The following STAB2 variants were observed in gnomAD, a reference collection of about 807,000 sequenced individuals.
STAB2 encodes stabilin-2.
Under a neutral mutation model 338.1 loss-of-function variants are expected in STAB2, and 288 were observed. The observed-to-expected ratio is 0.85, with a 90% CI of 0.77 to 0.94. The LOEUF (loss-of-function observed/expected upper bound fraction) is 0.94, where lower values mean the gene tolerates loss of function less well. Ranked by LOEUF, STAB2 falls within the 40% of genes least tolerant of loss-of-function variation. The pLI, the probability that STAB2 is intolerant of heterozygous loss-of-function variation, is 0.00. For missense variants in STAB2, 3,141 were observed against 3,210.1 expected (o/e 0.98, Z 0.52); for synonymous variants, 1,202 against 1,193.3 (o/e 1.01, Z -0.15).
intron 6 of STAB2, among the ~76,000 whole-genome samples, chr12:103,632,164 C>T (rs1957473840): frequency 6.6e-6 from 1 of 152,224 alleles, no homozygotes; most frequent in Admixed American, 6.5e-5. Context: ...AGAGCTGGGA[C>T]TCAAGTCATT....
At chr12:103,740,795 G>A (rs746074702) in intron 55 of STAB2, 39 bp downstream of exon 55, 4 of 1,530,530 alleles carry the variant, frequency 2.6e-6, no homozygotes, top group South Asian at 1.3e-5. Context: ...TCTAAAAGTG[G>A]TAATATGCTC....
intron 9 of STAB2, among the ~76,000 whole-genome samples, chr12:103,647,139 T>C (rs1412791030): frequency 6.6e-6 from 1 of 152,120 alleles, no homozygotes; most frequent in African/African-American, 2.4e-5. Flanking sequence ...TGCCAGAATT[T>C]TAAAGCGCAG....
Position 103,587,423 on chromosome 12 carries a change from T to C in STAB2, c.-54T>C. 1.4e-6 allele frequency: 2 copies of C among 1,432,600 alleles called. No homozygotes were observed. Among genetic ancestry groups the C allele is most frequent in the Non-Finnish European group, 1.9e-6 (2 of 1,027,054 alleles). 88.7% of individuals were successfully genotyped at this position (1,432,600 alleles called of 1,614,324 possible). ...GGGAGTTTATCAAACTAAGTTAAAATAGCTAAGTCAGCCTGACAGGTGCTT... is the reference window on the plus strand; with the variant it reads ...GGGAGTTTATCAAACTAAGTTAAAACAGCTAAGTCAGCCTGACAGGTGCTT... On this transcript the variant is annotated 5_prime_UTR_variant, in exon 1 of 69. An upstream open reading frame in the 5' UTR loses its in-frame stop. Coordinates refer to ENST00000388887, the MANE Select transcript of STAB2 (RefSeq NM_017564.10).
At position 103,715,693 on chromosome 12, in the gene STAB2, T is replaced by G. The variant is rs1002667712; in HGVS notation, c.4538-122T>G. The G allele has an allele frequency of 1.0e-5, 11 of 1,076,784 alleles. No individual in the cohort carries two copies. The African/African-American group carries it at 1.4e-4, about 14-fold the overall frequency. 66.7% of individuals were successfully genotyped at this position (1,076,784 alleles called of 1,614,324 possible). On this transcript the variant is annotated intron_variant, in intron 42 of 68. Coordinates refer to ENST00000388887, the MANE Select transcript of STAB2 (RefSeq NM_017564.10). Reference sequence around the variant, plus strand: ...TTCTGTCTCAGAACTTCCAGAAAACTGAATCATGCTTTGACACCCGCTCCC... The same window carrying G: ...TTCTGTCTCAGAACTTCCAGAAAACGGAATCATGCTTTGACACCCGCTCCC...
Position 103,715,848 on chromosome 12 carries a change from G to A in STAB2, c.4571G>A (p.Cys1524Tyr). 1.2e-6 allele frequency: 2 copies of A among 1,614,158 alleles called. No individual in the cohort carries two copies. The highest frequency in any genetic ancestry group is 1.7e-6 in the Non-Finnish European group (2 of 1,179,998). The change falls in exon 43 of 69, where the codon TGT becomes TAT. Residue 1524 changes from cysteine to tyrosine, a missense_variant. Physicochemically the swap from Cys to Tyr is radical, Grantham distance 194 (BLOSUM62 -2). Transcript: ENST00000388887. ...CCGTGTTTGGAGAACCATGGTGGCT[G>A]TGACAAGAATGCGGAGTGCACACAG... ...INPCLENHGGCDKNAECTQTG... is the reference protein window; with the variant it reads ...INPCLENHGGYDKNAECTQTG...
At chr12:103,721,827 A>C (rs1465220110) in intron 44 of STAB2, among the ~76,000 whole-genome samples, 2 of 152,224 alleles carry the variant, frequency 1.3e-5, no homozygotes, top group African/African-American at 2.4e-5. Context: ...ATCACTGGAC[A>C]GGGGATGTAT....
intron 44 of STAB2, among the ~76,000 whole-genome samples, chr12:103,721,515 G>C (rs76035103): frequency 0.037 from 5,635 of 152,296 alleles, 158 homozygotes; most frequent in Middle Eastern, 0.061. Flanking sequence ...GCCACTGGAT[G>C]ATCATGTAGG....
At chr12:103,659,796 C>T (rs989770042) in intron 15 of STAB2, among the ~76,000 whole-genome samples, 3 of 152,230 alleles carry the variant, frequency 2.0e-5, no homozygotes, top group African/African-American at 7.2e-5. Flanking sequence ...GGACAAACTT[C>T]TCATGGAAGG....
chr12:103,687,719 G>T (rs1258436929), intron 27 of STAB2, among the ~76,000 whole-genome samples: 1 of 152,120 alleles, frequency 6.6e-6, no homozygotes, highest in Non-Finnish European at 1.5e-5. Context: ...CTGGCCTAGG[G>T]AACTAGGAAA....
At position 103,695,643 on chromosome 12, in the gene STAB2, A is replaced by G. The variant is rs1306721690; in HGVS notation, c.3469A>G (p.Ile1157Val). Residue 1157 changes from isoleucine to valine, a missense_variant, in exon 32 of 69, where the codon ATC (isoleucine) becomes GTC (valine). Coordinates refer to ENST00000388887, the MANE Select transcript of STAB2 (RefSeq NM_017564.10). ...MPDYSIFRGY[I>V]IQYNLANAIE... ...TGACTATTCCATCTTCCGGGGCTAC[A>G]TCATTGCAAGTACCACATTCTCTGC... 7 of 1,614,066 alleles carry G rather than the reference A, an allele frequency of 4.3e-6. No individual in the cohort carries two copies. Among genetic ancestry groups the G allele is most frequent in the Non-Finnish European group, 5.1e-6 (6 of 1,180,026 alleles).
At position 103,740,786 on chromosome 12, in the gene STAB2, C is replaced by A. The variant is rs757421179; in HGVS notation, c.5881+30C>A. 2.6e-6 allele frequency: 4 copies of A among 1,543,034 alleles called. No homozygotes were observed. The East Asian group carries it at 9.7e-5, about 37-fold the overall frequency. On this transcript the variant is annotated intron_variant, in intron 55 of 68. Transcript: ENST00000388887. ...GGGTGCCTCTTCCCCCCTCGCAACT[C>A]TAAAAGTGGTAATATGCTCCTGCTC...
At chr12:103,624,111 C>A (rs576426071) in intron 5 of STAB2, among the ~76,000 whole-genome samples, 1 of 152,322 alleles carries the variant, frequency 6.6e-6, no homozygotes, top group South Asian at 2.1e-4. Context: ...TATGCACACA[C>A]AACACATCCC....
intron 64 of STAB2, 77 bp from the exon 65 acceptor site, chr12:103,759,056 T>A: frequency 6.2e-7 from 1 of 1,610,802 alleles, no homozygotes. Flanking sequence ...GCAATTTTCT[T>A]CGTCATCCCC....
At chr12:103,594,061 A>AT (rs5800595) in intron 2 of STAB2, among the ~76,000 whole-genome samples, 19,647 of 152,194 alleles carry the variant, frequency 0.13, 1,473 homozygotes, top group South Asian at 0.31. Flanking sequence ...CCCTTCCTGC[A>AT]TTGACTGCTA....
chr12:103,662,893 T>A lies in STAB2; in HGVS notation c.1917T>A (p.Thr639=). 6.2e-7 allele frequency: 1 copy of A among 1,614,232 alleles called. No individual in the cohort carries two copies. The highest frequency in any genetic ancestry group is 8.5e-7 in the Non-Finnish European group (1 of 1,180,034). The change falls in exon 18 of 69, where the codon ACT becomes ACA. Residue 639 remains threonine (T), a synonymous_variant. Transcript: ENST00000388887. The part of the protein sequence containing the change: ...NDVAMEEIEI[T]AKNGRIYTLT... Reference sequence around the variant, plus strand: ...TGGCAATGGAAGAAATTGAGATCACTGCCAAAAATGGCCGAATTTACACAC... The same window carrying A: ...TGGCAATGGAAGAAATTGAGATCACAGCCAAAAATGGCCGAATTTACACAC...
intron 39 of STAB2, among the ~76,000 whole-genome samples, chr12:103,711,020 A>G (rs1023175386): frequency 4.7e-5 from 7 of 149,334 alleles, no homozygotes; most frequent in African/African-American, 1.8e-4. Flanking sequence ...AAAATCTTTT[A>G]TAATTATAGT....
At chr12:103,752,984 TTA>T (rs1378192735) in intron 60 of STAB2, among the ~76,000 whole-genome samples, 1 of 152,226 alleles carries the variant, frequency 6.6e-6, no homozygotes, top group Non-Finnish European at 1.5e-5. Flanking sequence ...TGGTTTTTGC[TTA>T]TGTTTTTACT....
chr12:103,646,553 G>A (rs1873352041), intron 9 of STAB2, among the ~76,000 whole-genome samples: 1 of 152,160 alleles, frequency 6.6e-6, no homozygotes, highest in Non-Finnish European at 1.5e-5. Flanking sequence ...TTATAGAAGA[G>A]GAAACTGGGA....
chr12:103,639,184 T>C (rs1172147113), intron 8 of STAB2, among the ~76,000 whole-genome samples: 1 of 152,218 alleles, frequency 6.6e-6, no homozygotes. Flanking sequence ...ATATGCTTTA[T>C]CTCTGAAAAT....
Sources: gnomAD v4.1 joint callset for allele counts (sites outside exome capture counted in the v4.1 genomes callset) on GRCh38, gnomAD v4.1.1 for gene constraint, MANE v1.5 for transcripts, NCBI Gene and HGNC (gene_info 2026-07-23, HGNC 2026-07-21) for gene names.